The following C17orf99 variants were observed in gnomAD, a reference collection of about 807,000 sequenced individuals.
The protein encoded by C17orf99 is protein IL-40.
Under a neutral mutation model 22.6 loss-of-function variants are expected in C17orf99, and 18 were observed. The observed-to-expected ratio is 0.80, with a 90% confidence interval of 0.55 to 1.18. The LOEUF (loss-of-function observed/expected upper bound fraction) is 1.18. C17orf99 is among the 50% of genes most tolerant of loss of function. C17orf99 has a pLI of 0.00. For missense variants in C17orf99, 328 were observed against 342.7 expected, an observed-to-expected ratio of 0.96 and a Z score of 0.34; for synonymous variants, 147 against 136.6, an observed-to-expected ratio of 1.08 and a Z score of -0.53.
At position 78,161,272 on chromosome 17, in the gene C17orf99, C is replaced by A. The variant is rs531422656; in HGVS notation, c.370+18C>A. The A allele has an allele frequency of 2.6e-6, 4 of 1,547,244 alleles. No individual in the cohort carries two copies. Among genetic ancestry groups the A allele is most frequent in the Non-Finnish European group, 3.5e-6 (4 of 1,143,630 alleles). Reference sequence around the variant, plus strand: ...GTGGTCCAGTGAGTGCGGTGGGGGGCACAGGGCTGAGGAGGCAGGTGGGGT... The same window carrying A: ...GTGGTCCAGTGAGTGCGGTGGGGGGAACAGGGCTGAGGAGGCAGGTGGGGT... On this transcript the variant is annotated intron_variant, in intron 3 of 4. Coordinates refer to ENST00000340363, the MANE Select transcript of C17orf99 (RefSeq NM_001163075.2).
intron 4 of C17orf99, 127 bp downstream of exon 4, chr17:78,164,491 G>A (rs929105003): frequency 7.1e-6 from 11 of 1,541,040 alleles, no homozygotes; most frequent in Non-Finnish European, 8.7e-7. Flanking sequence ...AGCAGAGAGG[G>A]CACAGGAGGC....
At chr17:78,146,086 C>A (rs9893818), upstream of C17orf99, among the ~76,000 whole-genome samples, 5,314 of 152,246 alleles carry the variant, frequency 0.035, 317 homozygotes, top group African/African-American at 0.12. The surrounding 1 kb of genome is among the most constrained non-coding windows in gnomAD (Gnocchi z 5.2). Context: ...CTGTGCCCCG[C>A]GGAGCATGGA....
At chr17:78,162,212 G>A (rs576091101) in intron 3 of C17orf99, among the ~76,000 whole-genome samples, 1 of 150,880 alleles carries the variant, frequency 6.6e-6, no homozygotes, top group East Asian at 2.0e-4. Flanking sequence ...GGAGATGAAG[G>A]TTGCAGTGAG....
At chr17:78,165,504 T>A in intron 4 of C17orf99, 1 of 986,684 alleles carries the variant, frequency 1.0e-6, no homozygotes, top group Non-Finnish European at 1.2e-6. Flanking sequence ...CTTGGCACCA[T>A]AAAACTCCCA....
chr17:78,145,765 G>A (rs115586355), upstream of C17orf99, among the ~76,000 whole-genome samples: 1,730 of 151,880 alleles, frequency 0.011, 25 homozygotes, highest in African/African-American at 0.039. Flanking sequence ...TGGTGCTCAC[G>A]GGCTCCAGAA....
intron 2 of C17orf99, among the ~76,000 whole-genome samples, chr17:78,155,735 T>G (rs1045112596): frequency 1.5e-4 from 23 of 152,104 alleles, no homozygotes; most frequent in African/African-American, 5.6e-4. Context: ...CAAGTGATTC[T>G]CTGGCCTCAG....
chr17:78,165,620 T>G, intron 4 of C17orf99: 1 of 924,966 alleles, frequency 1.1e-6, no homozygotes, highest in East Asian at 9.0e-5. Context: ...CTGGCCAACA[T>G]GAAGAAACCC....
At position 78,146,973 on chromosome 17, in the gene C17orf99, C is replaced by G; in HGVS notation, c.70+62C>G. The G allele has an allele frequency of 4.1e-6, 6 of 1,468,766 alleles. No individual in the cohort carries two copies. The highest frequency in any genetic ancestry group is 1.2e-5 in the South Asian group (1 of 82,358). The allele number at this position is 1,468,766 out of a possible 1,614,324, so 91.0% of individuals were successfully genotyped here. On this transcript the variant is annotated intron_variant, in intron 2 of 4. Coordinates refer to ENST00000340363, the MANE Select transcript of C17orf99 (RefSeq NM_001163075.2). This position sits in a 1 kb window ranked among gnomAD's most constrained non-coding sequence, Gnocchi z 5.2. The stretch of plus-strand genomic sequence containing the variant: ...AGCTGGGACCCTGGTGTCAGAACCC[C>G]CATGGTGGAGGGCGCCTCGGCTGGG...
At chr17:78,156,903 C>T (rs1228043899) in intron 2 of C17orf99, among the ~76,000 whole-genome samples, 1 of 151,050 alleles carries the variant, frequency 6.6e-6, no homozygotes, top group Non-Finnish European at 1.5e-5. Context: ...GCAGTGGCCA[C>T]CGTGCCTGGA....
chr17:78,152,004 G>A (rs1027190473), intron 2 of C17orf99, among the ~76,000 whole-genome samples: 3 of 152,050 alleles, frequency 2.0e-5, no homozygotes, highest in Non-Finnish European at 2.9e-5. Context: ...CACCATGTCC[G>A]GGCCTGGACA....
chr17:78,157,728 C>T (rs1385514161), intron 2 of C17orf99: 2 of 471,268 alleles, frequency 4.2e-6, no homozygotes, highest in Non-Finnish European at 3.6e-6. Flanking sequence ...ACCCGGGAGG[C>T]AGAGCTTGCG....
chr17:78,153,166 A>G (rs1474678977), intron 2 of C17orf99, among the ~76,000 whole-genome samples: 2 of 151,858 alleles, frequency 1.3e-5, no homozygotes, highest in African/African-American at 2.4e-5. Flanking sequence ...AAAGGAAAAA[A>G]CCACACAAGT....
intron 2 of C17orf99, among the ~76,000 whole-genome samples, chr17:78,156,767 A>C (rs2075528361): frequency 6.6e-6 from 1 of 151,962 alleles, no homozygotes; most frequent in Non-Finnish European, 1.5e-5. Context: ...GGCGAGCACC[A>C]CCACACCTGG....
chr17:78,165,031 G>C (rs983874627), intron 4 of C17orf99: 11 of 1,081,884 alleles, frequency 1.0e-5, no homozygotes, highest in Non-Finnish European at 1.2e-5. Context: ...CCTGCCTTCT[G>C]TGAGAACCAC....
At chr17:78,155,136 T>TG (rs1567818699) in intron 2 of C17orf99, among the ~76,000 whole-genome samples, 73 of 134,686 alleles carry the variant, frequency 5.4e-4, no homozygotes, top group African/African-American at 1.7e-3. Context: ...TTTTTTTTTT[T>TG]TTTTTTTGTG....
chr17:78,148,422 G>C (rs529943176), intron 2 of C17orf99, among the ~76,000 whole-genome samples: 3 of 152,060 alleles, frequency 2.0e-5, no homozygotes, highest in African/African-American at 7.2e-5. Context: ...CCAGCTACTC[G>C]GGAGGCTGAG....
In C17orf99 at chr17:78,166,001, G is replaced by A. The variant is rs1478949526; in HGVS notation, c.753G>A (p.Arg251=). 2.7e-6 allele frequency: 4 copies of A among 1,486,632 alleles called. No individual in the cohort carries two copies. In the African/African-American group the frequency reaches 4.2e-5, roughly 16 times the overall value. The allele number at this position is 1,486,632 out of a possible 1,614,324, so 92.1% of individuals were successfully genotyped here. The change falls in exon 5 of 5, where the codon AGG becomes AGA. Residue 251 remains arginine, a synonymous_variant. Coordinates refer to ENST00000340363, the MANE Select transcript of C17orf99 (RefSeq NM_001163075.2). ...GTGAAGAGGAGTTTGGGGGGTTCAGGATAGGGAATGGGGAGGTCAGAGGAC... is the reference window on the plus strand; with the variant it reads ...GTGAAGAGGAGTTTGGGGGGTTCAGAATAGGGAATGGGGAGGTCAGAGGAC... The part of the protein sequence containing the change: ...RLSEEEFGGF[R]IGNGEVRGRK...
chr17:78,158,566 A>G (rs958845329), intron 2 of C17orf99: 4 of 161,714 alleles, frequency 2.5e-5, no homozygotes, highest in African/African-American at 9.6e-5. Context: ...AAGTGCTGGG[A>G]TTACAGGCGT....
At chr17:78,156,966 G>C (rs1000963037) in intron 2 of C17orf99, among the ~76,000 whole-genome samples, 1 of 151,934 alleles carries the variant, frequency 6.6e-6, no homozygotes, top group South Asian at 2.1e-4. Context: ...CTAAACCCAG[G>C]AGGTAGCCCT....
Sources: gnomAD v4.1 joint callset for allele counts (sites outside exome capture counted in the v4.1 genomes callset) on GRCh38, gnomAD v4.1.1 for gene constraint, Gnocchi (gnomAD v3.1) non-coding constraint, MANE v1.5 for transcripts, NCBI Gene and HGNC (gene_info 2026-07-23, HGNC 2026-07-21) for gene names.